TAF6L: variants seen among roughly 807,000 people sequenced by gnomAD.
TAF6L encodes TATA-box binding protein associated factor 6 like, also known as TAF6-like RNA polymerase II p300/CBP-associated factor-associated factor 65 kDa subunit 6L.
In TAF6L, 34 loss-of-function variants were observed where a neutral mutation model predicts 57.3. The observed-to-expected ratio is 0.59, with a 90% CI of 0.45 to 0.79. The LOEUF (loss-of-function observed/expected upper bound fraction) is 0.79. TAF6L is among the 30% of genes least tolerant of loss of function. TAF6L has a pLI of 0.00. For missense variants in TAF6L, 782 were observed against 853.2 expected (o/e 0.92, Z 1.04); for synonymous variants, 417 against 376.3 (o/e 1.11, Z -1.25).
At chr11:62,779,256 G>A (rs1486011548) in intron 6 of TAF6L, among the ~76,000 whole-genome samples, 2 of 151,996 alleles carry the variant, frequency 1.3e-5, no homozygotes, top group Non-Finnish European at 2.9e-5. Flanking sequence ...GTGCAGTGGC[G>A]CGATCTCGGC....
In TAF6L at chr11:62,776,421, A is replaced by G; in HGVS notation, c.185A>G (p.Lys62Arg). ...SQFMKHTKRR[K>R]LTVEDFNRAL... ...TTCATGAAGCACACCAAACGCCGGA[A>G]GCTGACGGTTGAGGACTTCAACAGG... Residue 62 changes from lysine (K) to arginine (R), a missense_variant, in exon 3 of 11, where the codon AAG becomes AGG. Lys to Arg is a conservative substitution (Grantham distance 26, BLOSUM62 2). This residue lies in a region of TAF6L where 220 missense variants were observed against 252.1 expected (regional missense o/e 0.87). Coordinates refer to ENST00000294168, the MANE Select transcript of TAF6L (RefSeq NM_006473.4). The G allele has an allele frequency of 6.2e-7, 1 of 1,613,858 alleles. No homozygotes were observed. Among genetic ancestry groups the G allele is most frequent in the South Asian group, 1.1e-5 (1 of 91,086 alleles).
chr11:62,781,252 G>A (rs1365514087), intron 6 of TAF6L, among the ~76,000 whole-genome samples: 2 of 149,094 alleles, frequency 1.3e-5, no homozygotes, highest in African/African-American at 2.5e-5. Context: ...AAAAAAAAAA[G>A]AAAAAGAAAC....
At chr11:62,780,936 C>CAA (rs1302371766) in intron 6 of TAF6L, among the ~76,000 whole-genome samples, 12 of 52,306 alleles carry the variant, frequency 2.3e-4, no homozygotes, top group African/African-American at 7.8e-4. Flanking sequence ...GACTCCATCT[C>CAA]AAAAAAAAAA....
Position 62,787,257 on chromosome 11 carries a change from G to A in TAF6L, c.1830G>A (p.Arg610=). Residue 610 remains arginine (R), a synonymous_variant, in exon 11 of 11, where the codon CGG becomes CGA. Coordinates refer to ENST00000294168, the MANE Select transcript of TAF6L (RefSeq NM_006473.4). ...MIGRTSRPAR[R]WALSDYSLYL... Reference sequence around the variant, plus strand: ...GCCGTACCAGCCGCCCCGCCCGCCGGTGGGCGCTCTCGGACTACTCGCTGT... The same window carrying A: ...GCCGTACCAGCCGCCCCGCCCGCCGATGGGCGCTCTCGGACTACTCGCTGT... The A allele has an allele frequency of 6.4e-7, 1 of 1,567,044 alleles. No homozygotes were observed. The highest frequency in any genetic ancestry group is 8.6e-7 in the Non-Finnish European group (1 of 1,164,588).
At position 62,786,992 on chromosome 11, in the gene TAF6L, GGCC is replaced by G. The variant is rs541215730; in HGVS notation, c.1566_1568del (p.Arg522_Pro523delinsSer). 1.2e-5 allele frequency: 17 copies of G among 1,477,252 alleles called. 1 individual carries two copies. The highest frequency in any genetic ancestry group is 2.3e-4 in the Middle Eastern group (1 of 4,370). 91.5% of individuals were successfully genotyped at this position (1,477,252 alleles called of 1,614,324 possible). ...TCTGGGCCCGCCGCCTCTGAGAGCA[GGCC>G]CTTGCCGCGCGTGCATCGGGCGCGC... On this transcript the variant is annotated inframe_deletion, in exon 11 of 11. Coordinates refer to ENST00000294168, the MANE Select transcript of TAF6L (RefSeq NM_006473.4).
chr11:62,778,381 C>T, intron 5 of TAF6L, 46 bp downstream of exon 5: 1 of 1,610,738 alleles, frequency 6.2e-7, no homozygotes. Flanking sequence ...AATTTTCTCC[C>T]TTAGGTTCTG....
Position 62,787,323 on chromosome 11 carries a change from A to T in TAF6L, c.*27A>T. On this transcript the variant is annotated 3_prime_UTR_variant, in exon 11 of 11. Transcript: ENST00000294168. ...TCAGTGGCCCCTTCGTTCCTTGTAA[A>T]TAAATCCCGCCCCCGGAAATGACGT... The T allele has an allele frequency of 6.6e-7, 1 of 1,524,978 alleles. No individual in the cohort carries two copies. Among genetic ancestry groups the T allele is most frequent in the South Asian group, 1.2e-5 (1 of 81,394 alleles). 94.5% of individuals were successfully genotyped at this position (1,524,978 alleles called of 1,614,324 possible).
intron 3 of TAF6L, 106 bp from the exon 4 acceptor site, chr11:62,777,872 C>T: frequency 5.2e-6 from 7 of 1,353,074 alleles, no homozygotes; most frequent in Non-Finnish European, 7.0e-6. Context: ...TTCTGGACTT[C>T]CTTCAAACGT....
At chr11:62,772,290 G>C (rs1482298674) in intron 1 of TAF6L, among the ~76,000 whole-genome samples, 1 of 152,098 alleles carries the variant, frequency 6.6e-6, no homozygotes, top group Non-Finnish European at 1.5e-5. Flanking sequence ...GGGAGGCCGA[G>C]GCACCTGGAT....
chr11:62,776,240 A>C (rs937679628), intron 2 of TAF6L, 144 bp from the exon 3 acceptor site: 91 of 811,444 alleles, frequency 1.1e-4, no homozygotes, highest in Non-Finnish European at 1.7e-4. Flanking sequence ...GTTTTTGTAC[A>C]GGAGCAGAGA....
At chr11:62,786,467 G>A (rs955812235) in intron 10 of TAF6L, 50 bp from the exon 11 acceptor site, 1 of 1,587,288 alleles carries the variant, frequency 6.3e-7, no homozygotes, top group East Asian at 2.3e-5. Context: ...ATATTTGATG[G>A]GCCCAGGTTC....
rs183378850 is a variant in TAF6L, at chr11:62,773,186, C to T, written c.-14+1696C>T. On this transcript the variant is annotated intron_variant, in intron 1 of 10. Transcript: ENST00000294168. Reference sequence around the variant, plus strand: ...TTTTTGAGATGGAGTCTTGCTCTGTCGCCCAGGCTGGAGTGCAGTGGTGCG... The same window carrying T: ...TTTTTGAGATGGAGTCTTGCTCTGTTGCCCAGGCTGGAGTGCAGTGGTGCG... Among the ~76,000 whole-genome samples, 11 of 150,488 alleles carry T rather than the reference C, an allele frequency of 7.3e-5. 1 individual carries two copies. The East Asian group carries it at 7.8e-4, about 11-fold the overall frequency.
intron 2 of TAF6L, 51 bp from the exon 3 acceptor site, chr11:62,776,333 T>C: frequency 1.9e-6 from 3 of 1,592,558 alleles, no homozygotes; most frequent in Non-Finnish European, 2.6e-6. Context: ...GGGTTTCCCA[T>C]GCCCCCTGCT....
rs371664601 is a variant in TAF6L at position 62,774,547 on chromosome 11, C to T, written c.-13-1224C>T. On this transcript the variant is annotated intron_variant, in intron 1 of 10. Transcript: ENST00000294168. ...TGGGTGGGTCATCCTGGATCTGGGC[C>T]TTCCTGTCTGAGGTGTGGATGCATC... 1,179 of 454,208 alleles carry T rather than the reference C, an allele frequency of 2.6e-3. 23 individuals carry two copies. The highest frequency in any genetic ancestry group is 0.018 in the South Asian group (1,149 of 64,486). The allele number at this position is 454,208 out of a possible 1,614,324, so 28.1% of individuals were successfully genotyped here.
chr11:62,775,515 G>A (rs185884842), intron 1 of TAF6L: 21 of 400,994 alleles, frequency 5.2e-5, no homozygotes, highest in African/African-American at 2.4e-4. Context: ...AATTCACATA[G>A]AAGGTGACAG....
intron 5 of TAF6L, 176 bp from the exon 6 acceptor site, chr11:62,778,693 G>C (rs1163631943): frequency 1.6e-6 from 1 of 635,976 alleles, no homozygotes; most frequent in Non-Finnish European, 2.8e-6. Flanking sequence ...GAGGTGTGCA[G>C]AGCCTAGATG....
At chr11:62,782,957 A>C in intron 9 of TAF6L, 132 bp downstream of exon 9, 2 of 1,332,330 alleles carry the variant, frequency 1.5e-6, no homozygotes, top group South Asian at 2.9e-5. Flanking sequence ...GCCTTAGGCC[A>C]GGCTCAGTGA....
intron 6 of TAF6L, among the ~76,000 whole-genome samples, chr11:62,780,021 C>G (rs1471764678): frequency 2.9e-5 from 4 of 139,840 alleles, no homozygotes; most frequent in Non-Finnish European, 6.1e-5. Flanking sequence ...ACTGTATTGC[C>G]CAGGCTGGTG....
chr11:62,778,100 C>T lies in TAF6L; in HGVS notation c.357C>T (p.Pro119=), dbSNP rs1324535305. 1.2e-6 allele frequency: 2 copies of T among 1,614,168 alleles called. No individual in the cohort carries two copies. Among genetic ancestry groups the T allele is most frequent in the Admixed American group, 3.3e-5 (2 of 60,004 alleles). The change falls in exon 4 of 11, where the codon CCC becomes CCT. Residue 119 remains proline, a synonymous_variant. Coordinates refer to ENST00000294168, the MANE Select transcript of TAF6L (RefSeq NM_006473.4). ...LVELALATNI[P]KGCAETAVRV... Reference sequence around the variant, plus strand: ...AGCTGGCCCTGGCTACCAACATCCCCAAAGGCTGTGCTGAGACAGCTGTCA... The same window carrying T: ...AGCTGGCCCTGGCTACCAACATCCCTAAAGGCTGTGCTGAGACAGCTGTCA...
Sources: allele counts gnomAD v4.1 joint callset (sites outside exome capture counted in the v4.1 genomes callset), GRCh38; gene constraint gnomAD v4.1.1; regional missense constraint gnomAD v4.1.1; transcripts MANE v1.5; gene names NCBI Gene and HGNC (gene_info 2026-07-23, HGNC 2026-07-21).